Variants in PALM2AKAP2 observed in about 807,000 individuals in gnomAD.
PALM2AKAP2 encodes the protein PALM2 and AKAP2 fusion, also known as PALM2-AKAP2 fusion protein.
A neutral mutation model predicts 71.5 loss-of-function variants in PALM2AKAP2; 37 were observed. The observed-to-expected ratio is 0.52, with a 90% confidence interval of 0.40 to 0.68. The LOEUF (loss-of-function observed/expected upper bound fraction) is 0.68, where lower values mean the gene tolerates loss of function less well. Ranked by LOEUF, PALM2AKAP2 falls within the 30% of genes least tolerant of loss-of-function variation. PALM2AKAP2 has a pLI of 0.00. For synonymous variants in PALM2AKAP2, 468 were observed against 478.8 expected, an observed-to-expected ratio of 0.98 and a Z score of 0.29; for missense variants, 1,224 against 1,191.8, an observed-to-expected ratio of 1.03 and a Z score of -0.40.
intron 3 of PALM2AKAP2, among the ~76,000 whole-genome samples, chr9:109,892,499 G>A (rs1370044713): frequency 6.6e-6 from 1 of 152,194 alleles, no homozygotes; most frequent in Non-Finnish European, 1.5e-5. Flanking sequence ...CCATCATTCA[G>A]TGTACTATAT....
chr9:109,677,236 T>G (rs1827659618), intron 1 of PALM2AKAP2, among the ~76,000 whole-genome samples: 1 of 152,170 alleles, frequency 6.6e-6, no homozygotes, highest in Non-Finnish European at 1.5e-5. Flanking sequence ...GTACATTTAT[T>G]GACAAAGAGA....
intron 1 of PALM2AKAP2, among the ~76,000 whole-genome samples, chr9:109,781,755 G>A (rs1331601095): frequency 6.6e-6 from 1 of 152,232 alleles, no homozygotes; most frequent in Non-Finnish European, 1.5e-5. Flanking sequence ...GCCATGGTTT[G>A]CCTATTAGGT....
intron 1 of PALM2AKAP2, among the ~76,000 whole-genome samples, chr9:109,663,247 C>T (rs1827428582): frequency 6.6e-6 from 1 of 151,920 alleles, no homozygotes; most frequent in Non-Finnish European, 1.5e-5. Context: ...AATGTGTTTG[C>T]TTGCTTCTCT....
intron 1 of PALM2AKAP2, among the ~76,000 whole-genome samples, chr9:109,681,073 G>A (rs888001435): frequency 4.6e-5 from 7 of 152,174 alleles, no homozygotes; most frequent in Admixed American, 4.6e-4. Flanking sequence ...AACATTAAAT[G>A]TGTTCCAGTT....
chr9:110,046,123 A>G (rs1833592252), upstream of PALM2AKAP2, among the ~76,000 whole-genome samples: 2 of 152,198 alleles, frequency 1.3e-5, no homozygotes, highest in Admixed American at 6.5e-5. Flanking sequence ...GAGAAAATAA[A>G]TGAGAAAATG....
intron 7 of PALM2AKAP2, among the ~76,000 whole-genome samples, chr9:110,021,741 T>A (rs375141638): frequency 8.1e-4 from 116 of 142,522 alleles, no homozygotes; most frequent in East Asian, 2.6e-3. Context: ...ACATTGAATT[T>A]AAAAAAAAAA....
upstream of PALM2AKAP2, among the ~76,000 whole-genome samples, chr9:110,047,893 GA>G (rs2132487376): frequency 6.6e-6 from 1 of 152,282 alleles, no homozygotes; most frequent in African/African-American, 2.4e-5. Context: ...TGAAATTTCA[GA>G]CATCTCAAGA....
At chr9:110,048,025 C>T (rs1458067066), upstream of PALM2AKAP2, among the ~76,000 whole-genome samples, 1 of 152,176 alleles carries the variant, frequency 6.6e-6, no homozygotes, top group Non-Finnish European at 1.5e-5. Context: ...TGCCACTACA[C>T]GGAGGGCAGC....
chr9:109,991,384 GCAC>G (rs1241305737), intron 6 of PALM2AKAP2, among the ~76,000 whole-genome samples: 1 of 151,774 alleles, frequency 6.6e-6, no homozygotes, highest in Non-Finnish European at 1.5e-5. Context: ...CTACAGGCAA[GCAC>G]CACCACACCC....
chr9:109,909,046 T>C (rs1003945089), intron 3 of PALM2AKAP2, among the ~76,000 whole-genome samples: 3 of 152,148 alleles, frequency 2.0e-5, no homozygotes, highest in African/African-American at 7.2e-5. Flanking sequence ...AGACTGTCCA[T>C]CATTCTGGCC....
At chr9:109,955,791 G>T (rs1221671241) in intron 6 of PALM2AKAP2, among the ~76,000 whole-genome samples, 1 of 151,880 alleles carries the variant, frequency 6.6e-6, no homozygotes, top group African/African-American at 2.4e-5. Flanking sequence ...AACAAAATTA[G>T]CTGGGTGTAG....
At chr9:109,928,609 T>C (rs1056470484) in intron 5 of PALM2AKAP2, among the ~76,000 whole-genome samples, 1 of 152,074 alleles carries the variant, frequency 6.6e-6, no homozygotes, top group Non-Finnish European at 1.5e-5. Context: ...TAATCATATA[T>C]TGAGGGGGCT....
chr9:109,943,100 C>A, intron 6 of PALM2AKAP2: 1 of 1,614,200 alleles, frequency 6.2e-7, no homozygotes. Context: ...GGGCCGGAGG[C>A]AAACTTGGAT....
intron 1 of PALM2AKAP2, among the ~76,000 whole-genome samples, chr9:109,831,668 G>A (rs181018489): frequency 6.6e-6 from 1 of 152,170 alleles, no homozygotes; most frequent in African/African-American, 2.4e-5. Context: ...AGTCACCCAA[G>A]CCTCTTAGTT....
chr9:109,968,922 T>C (rs1335770105), intron 6 of PALM2AKAP2, among the ~76,000 whole-genome samples: 1 of 152,060 alleles, frequency 6.6e-6, no homozygotes, highest in Non-Finnish European at 1.5e-5. Flanking sequence ...CCAGTTCCTC[T>C]CCGGGCTATA....
At chr9:109,899,110 C>T (rs1450806583) in intron 3 of PALM2AKAP2, among the ~76,000 whole-genome samples, 2 of 152,150 alleles carry the variant, frequency 1.3e-5, no homozygotes, top group Non-Finnish European at 2.9e-5. Flanking sequence ...TCCAGACCTA[C>T]CCATATAGCC....
chr9:109,938,151 T>C (rs191786164), intron 6 of PALM2AKAP2, among the ~76,000 whole-genome samples: 1 of 152,322 alleles, frequency 6.6e-6, no homozygotes, highest in Admixed American at 6.5e-5. Context: ...TTCCTATTGG[T>C]TCATATGCAC....
intron 1 of PALM2AKAP2, among the ~76,000 whole-genome samples, chr9:109,727,557 A>G (rs896712130): frequency 1.3e-5 from 2 of 152,234 alleles, no homozygotes; most frequent in Admixed American, 1.3e-4. Flanking sequence ...CAGGTGGCCA[A>G]TGATGAGGCA....
chr9:109,684,495 A>T (rs1827780853), intron 1 of PALM2AKAP2, among the ~76,000 whole-genome samples: 1 of 152,184 alleles, frequency 6.6e-6, no homozygotes, highest in Admixed American at 6.5e-5. Flanking sequence ...AGGCAAGGAA[A>T]TAGGAGCTGT....
Sources: allele counts gnomAD v4.1 joint callset (sites outside exome capture counted in the v4.1 genomes callset), GRCh38; gene constraint gnomAD v4.1.1; transcripts MANE v1.5; gene names NCBI Gene and HGNC (gene_info 2026-07-23, HGNC 2026-07-21).